The following ACAD11 variants were observed in gnomAD, a reference collection of about 807,000 sequenced individuals.
ACAD11 encodes acyl-CoA dehydrogenase family member 11.
In ACAD11, 83 loss-of-function variants were observed where a neutral mutation model predicts 102.2. That is an observed-to-expected ratio of 0.81 (90% confidence interval 0.68 to 0.97). The LOEUF (loss-of-function observed/expected upper bound fraction) is 0.97. ACAD11 is among the 50% of genes least tolerant of loss of function. ACAD11 has a pLI of 0.00. For missense variants in ACAD11, 901 were observed against 951.7 expected (o/e 0.95, Z 0.70); for synonymous variants, 324 against 319.8 (o/e 1.01, Z -0.14).
chr3:132,622,257 G>C (rs1185928087), intron 9 of ACAD11, among the ~76,000 whole-genome samples: 1 of 152,078 alleles, frequency 6.6e-6, no homozygotes, highest in Non-Finnish European at 1.5e-5. Flanking sequence ...GGCTAGTCTA[G>C]AGTATTGCAG....
At chr3:132,582,523 C>T (rs141194846) in intron 13 of ACAD11, among the ~76,000 whole-genome samples, 8 of 151,960 alleles carry the variant, frequency 5.3e-5, no homozygotes, top group African/African-American at 1.9e-4. Context: ...GACTGAGAGG[C>T]TTGTTGAGTG....
chr3:132,637,201 A>AATG (rs1158314465), intron 5 of ACAD11, among the ~76,000 whole-genome samples: 1 of 152,160 alleles, frequency 6.6e-6, no homozygotes, highest in Non-Finnish European at 1.5e-5. Flanking sequence ...TAATAATAAT[A>AATG]ATGATGATAT....
chr3:132,639,460 A>C, intron 5 of ACAD11, 32 bp downstream of exon 5: 1 of 1,598,394 alleles, frequency 6.3e-7, no homozygotes, highest in Non-Finnish European at 8.5e-7. Flanking sequence ...AAACAGACCT[A>C]CTCAATTAAT....
intron 18 of ACAD11, among the ~76,000 whole-genome samples, chr3:132,560,434 C>G (rs1937021445): frequency 6.6e-6 from 1 of 152,122 alleles, no homozygotes; most frequent in Non-Finnish European, 1.5e-5. Context: ...GAGACAGGCT[C>G]TCACTCTGTC....
rs143709073 is a variant in ACAD11, at chr3:132,584,661, T to A, written c.1622-5103A>T. On this transcript the variant is annotated intron_variant, in intron 13 of 19. Coordinates refer to ENST00000264990, the MANE Select transcript of ACAD11 (RefSeq NM_032169.5). ...TGCAGTTTCTTCCTAGCCTCGATGGTCTTTACAGTTTGGCATGTTTTTGCA... is the reference window on the plus strand; with the variant it reads ...TGCAGTTTCTTCCTAGCCTCGATGGACTTTACAGTTTGGCATGTTTTTGCA... Among the ~76,000 whole-genome samples the A allele has an allele frequency of 3.6e-3, 555 of 152,338 alleles. 4 individuals carry two copies. Among genetic ancestry groups the A allele is most frequent in the African/African-American group, 0.013 (525 of 41,576 alleles).
chr3:132,625,330 T>C (rs1462275632), intron 9 of ACAD11, among the ~76,000 whole-genome samples: 1 of 152,228 alleles, frequency 6.6e-6, no homozygotes, highest in Non-Finnish European at 1.5e-5. Flanking sequence ...GTCCCTCTTC[T>C]GTTTTCAAGC....
At chr3:132,619,948 T>C (rs1006179732) in intron 9 of ACAD11, among the ~76,000 whole-genome samples, 8 of 152,188 alleles carry the variant, frequency 5.3e-5, no homozygotes, top group African/African-American at 1.9e-4. Context: ...TCTTCAAGTG[T>C]GAGCACACAT....
intron 1 of ACAD11, chr3:132,645,893 T>C (rs1029936094): frequency 6.6e-6 from 1 of 152,104 alleles, no homozygotes; most frequent in South Asian, 2.1e-4. Context: ...TCACCAGTGG[T>C]CAGGAAATAG....
In ACAD11 at chr3:132,575,907, T is replaced by C. The variant is rs1225593285; in HGVS notation, c.1866A>G (p.Glu622=). 5.0e-6 allele frequency: 8 copies of C among 1,613,812 alleles called. No individual in the cohort carries two copies. The highest frequency in any genetic ancestry group is 4.2e-6 in the Non-Finnish European group (5 of 1,179,942). The part of the protein sequence containing the change: ...NLILGEGRGF[E]ISQGRLGPGR... The stretch of plus-strand genomic sequence containing the variant: ...CAGGTCCAAGGCGGCCTTGGGAAAT[T>C]TCAAATCCCCTACCTTCACCTGGGA... Residue 622 remains glutamate, a synonymous_variant, in exon 17 of 20, where the codon GAA becomes GAG. Coordinates refer to ENST00000264990, the MANE Select transcript of ACAD11 (RefSeq NM_032169.5).
chr3:132,652,471 C>T (rs1354356688), intron 1 of ACAD11, among the ~76,000 whole-genome samples: 5 of 152,118 alleles, frequency 3.3e-5, no homozygotes. Context: ...ATCATATAAC[C>T]ACTACCTTGA....
At chr3:132,579,377 C>T (rs1937566675) in intron 14 of ACAD11, 115 bp downstream of exon 14, 3 of 855,704 alleles carry the variant, frequency 3.5e-6, no homozygotes, top group East Asian at 2.5e-5. Flanking sequence ...CATTTACTCT[C>T]ATATCTTACA....
At position 132,584,266 on chromosome 3, in the gene ACAD11, A is replaced by C. The variant is rs1286247116; in HGVS notation, c.1622-4708T>G. 2.0e-5 allele frequency among the ~76,000 whole-genome samples: 3 copies of C among 152,220 alleles called. No homozygotes were observed. In the East Asian group the frequency reaches 5.8e-4, roughly 29 times the overall value. ...TCCTATATCGGGTGCATATATATTT[A>C]GGATAGTTAGTTCTTCTTGTTGAAT... is the stretch of plus-strand genomic sequence containing the variant. On this transcript the variant is annotated intron_variant, in intron 13 of 19. Transcript: ENST00000264990.
At chr3:132,575,707 G>GT in intron 17 of ACAD11, 65 bp downstream of exon 17, 1 of 1,579,876 alleles carries the variant, frequency 6.3e-7, no homozygotes, top group Non-Finnish European at 8.7e-7. Flanking sequence ...CACAAGTAAT[G>GT]TTTTTGTTCA....
At position 132,642,014 on chromosome 3, in the gene ACAD11, C is replaced by T. The variant is rs1372249351; in HGVS notation, c.495G>A (p.Gln165=). 2 of 1,613,956 alleles carry T rather than the reference C, an allele frequency of 1.2e-6. No homozygotes were observed. The highest frequency in any genetic ancestry group is 1.7e-4 in the Middle Eastern group (1 of 6,060). ...CAGCACCTATACCATATCCTTCCAG[C>T]TGCAGTGACTGTATATTCAAGGAAT... is the stretch of plus-strand genomic sequence containing the variant. ...QLHSLNIQSL[Q]LEGYGIGAGY... is the part of the protein sequence containing the mutation. The change falls in exon 4 of 20, where the codon CAG becomes CAA. Residue 165 remains glutamine (Q), a synonymous_variant. Transcript: ENST00000264990.
intron 1 of ACAD11, among the ~76,000 whole-genome samples, chr3:132,658,961 G>C (rs1038633208): frequency 6.6e-6 from 1 of 152,088 alleles, no homozygotes; most frequent in African/African-American, 2.4e-5. Flanking sequence ...CTGAATGATA[G>C]GACTCTTTCT....
intron 17 of ACAD11, among the ~76,000 whole-genome samples, chr3:132,575,201 G>A (rs1052101874): frequency 6.6e-6 from 1 of 152,050 alleles, no homozygotes; most frequent in African/African-American, 2.4e-5. Context: ...ACAGTGATTT[G>A]TAACAACAGA....
intron 11 of ACAD11, among the ~76,000 whole-genome samples, chr3:132,615,636 T>A (rs1939375518): frequency 6.6e-6 from 1 of 151,986 alleles, no homozygotes; most frequent in African/African-American, 2.4e-5. Flanking sequence ...TGAAAACACA[T>A]GGACACAGGG....
intron 1 of ACAD11, among the ~76,000 whole-genome samples, chr3:132,646,191 C>G (rs1328645366): frequency 6.6e-6 from 1 of 152,262 alleles, no homozygotes; most frequent in East Asian, 1.9e-4. Flanking sequence ...GTCTCGATCT[C>G]TTGACCTCGT....
At chr3:132,605,309 G>T in intron 11 of ACAD11, 104 bp from the exon 12 acceptor site, 1 of 619,130 alleles carries the variant, frequency 1.6e-6, no homozygotes, top group Non-Finnish European at 2.7e-6. Context: ...TAAAGCAAAT[G>T]TTTGCTAACA....
Sources: allele counts gnomAD v4.1 joint callset (sites outside exome capture counted in the v4.1 genomes callset), GRCh38; gene constraint gnomAD v4.1.1; transcripts MANE v1.5; gene names NCBI Gene and HGNC (gene_info 2026-07-23, HGNC 2026-07-21).